The following CEP128 variants were observed in gnomAD, a reference collection of about 807,000 sequenced individuals.
CEP128 encodes the protein centrosomal protein 128.
A neutral mutation model predicts 156.7 loss-of-function variants in CEP128; 132 were observed. The ratio of observed to expected loss-of-function variants is 0.84; its 90% CI spans 0.73 to 0.97. CEP128 has a LOEUF of 0.97. Among genes scored for constraint, CEP128 ranks in the 50% least tolerant of loss-of-function variants. The pLI, the probability that CEP128 is intolerant of heterozygous loss-of-function variation, is 0.00. For missense variants in CEP128, 1,252 were observed against 1,281.9 expected (o/e 0.98, Z 0.36); for synonymous variants, 469 against 448.9 (o/e 1.04, Z -0.57).
Position 80,497,347 on chromosome 14 carries a change from C to T in CEP128, c.*132G>A. 1.6e-6 allele frequency: 1 copy of T among 612,766 alleles called. No individual in the cohort carries two copies. The highest frequency in any genetic ancestry group is 2.9e-6 in the Non-Finnish European group (1 of 348,632). The allele number at this position is 612,766 out of a possible 1,614,324, so 38.0% of individuals were successfully genotyped here. A position where few individuals can be genotyped will look rare whatever the true frequency, so the allele number is the denominator to read the frequency against. On this transcript the variant is annotated 3_prime_UTR_variant, in exon 25 of 25. Coordinates refer to ENST00000555265, the MANE Select transcript of CEP128 (RefSeq NM_152446.5). The stretch of plus-strand genomic sequence containing the variant: ...GGACCAACAGTATTGTCACTTTTGT[C>T]AATGTTTGGCAATACCAAAGAGCCA...
chr14:80,870,283 C>T (rs1288758850), intron 8 of CEP128, among the ~76,000 whole-genome samples: 1 of 151,900 alleles, frequency 6.6e-6, no homozygotes, highest in Admixed American at 6.6e-5. Context: ...AAAGACACTA[C>T]TAAAAAAGAT....
chr14:80,615,975 T>C (rs1893195088), intron 19 of CEP128, among the ~76,000 whole-genome samples: 1 of 152,214 alleles, frequency 6.6e-6, no homozygotes, highest in Non-Finnish European at 1.5e-5. Flanking sequence ...GTCTGTGGCC[T>C]GGGAGGCTAA....
At chr14:80,644,688 C>T (rs1198472553) in intron 19 of CEP128, among the ~76,000 whole-genome samples, 1 of 152,002 alleles carries the variant, frequency 6.6e-6, no homozygotes, top group Non-Finnish European at 1.5e-5. Context: ...ATTAATATAA[C>T]ATTTTTCTTT....
chr14:80,579,418 T>C (rs1020099730), intron 20 of CEP128, among the ~76,000 whole-genome samples: 1 of 152,156 alleles, frequency 6.6e-6, no homozygotes, highest in African/African-American at 2.4e-5. Flanking sequence ...CCACTTTTAC[T>C]GGATGTATAA....
At chr14:80,881,607 T>A (rs1595540721) in intron 8 of CEP128, among the ~76,000 whole-genome samples, 1 of 151,962 alleles carries the variant, frequency 6.6e-6, no homozygotes, top group Non-Finnish European at 1.5e-5. Flanking sequence ...CAAAACCAGA[T>A]AAAGACACAT....
chr14:80,773,140 T>A (rs978604679), intron 16 of CEP128, among the ~76,000 whole-genome samples: 1 of 152,164 alleles, frequency 6.6e-6, no homozygotes, highest in Non-Finnish European at 1.5e-5. Context: ...GCCTAGAATA[T>A]CCAAGAACAA....
chr14:80,617,823 A>G (rs1047581956), intron 19 of CEP128, among the ~76,000 whole-genome samples: 2 of 152,210 alleles, frequency 1.3e-5, no homozygotes, highest in African/African-American at 4.8e-5. Context: ...ATAAACAAAC[A>G]AACAAAAAGC....
At chr14:80,810,421 G>C (rs1222373047) in intron 13 of CEP128, among the ~76,000 whole-genome samples, 4 of 149,774 alleles carry the variant, frequency 2.7e-5, no homozygotes, top group Non-Finnish European at 4.4e-5. Context: ...TAATATACCT[G>C]AATGTAATTA....
At chr14:80,489,730 G>A (rs1209773626), downstream of CEP128, among the ~76,000 whole-genome samples, 4 of 150,216 alleles carry the variant, frequency 2.7e-5, no homozygotes, top group Non-Finnish European at 5.9e-5. Context: ...TCTCCTTAAA[G>A]CATCAGAGTA....
intron 14 of CEP128, among the ~76,000 whole-genome samples, chr14:80,789,698 G>A (rs1901602505): frequency 6.6e-6 from 1 of 151,992 alleles, no homozygotes; most frequent in Non-Finnish European, 1.5e-5. Context: ...CTGAAAGAAG[G>A]CCTGAAAAAA....
chr14:80,593,705 G>A (rs1178761604), intron 19 of CEP128, among the ~76,000 whole-genome samples: 1 of 152,100 alleles, frequency 6.6e-6, no homozygotes, highest in East Asian at 1.9e-4. Flanking sequence ...CAAATCATGA[G>A]AGAACTCTCA....
At chr14:80,487,012 T>A (rs9743473), downstream of CEP128, among the ~76,000 whole-genome samples, 72,386 of 151,860 alleles carry the variant, frequency 0.48, 18,463 homozygotes, top group East Asian at 0.69. Context: ...CAGGACCAAA[T>A]ACATACATAA....
intron 14 of CEP128, among the ~76,000 whole-genome samples, chr14:80,790,721 A>T (rs894734589): frequency 1.3e-5 from 2 of 152,144 alleles, no homozygotes; most frequent in African/African-American, 4.8e-5. Flanking sequence ...AATCAGAGAA[A>T]TTTTTAAGAG....
At chr14:80,596,546 T>C (rs1892327672) in intron 19 of CEP128, among the ~76,000 whole-genome samples, 1 of 152,148 alleles carries the variant, frequency 6.6e-6, no homozygotes, top group Non-Finnish European at 1.5e-5. Context: ...CAGTGGCTCA[T>C]GCCTGTGATC....
At chr14:80,746,806 T>C (rs1187181577) in intron 18 of CEP128, among the ~76,000 whole-genome samples, 1 of 152,216 alleles carries the variant, frequency 6.6e-6, no homozygotes, top group Non-Finnish European at 1.5e-5. Flanking sequence ...AGAGACAACC[T>C]GCTAAGTGGC....
At chr14:80,914,918 G>GAA (rs1294185364) in intron 3 of CEP128, among the ~76,000 whole-genome samples, 1 of 152,112 alleles carries the variant, frequency 6.6e-6, no homozygotes, top group Non-Finnish European at 1.5e-5. Context: ...TTTCACCTGG[G>GAA]AGATTAATCA....
At chr14:80,773,929 G>A (rs1193659395) in intron 16 of CEP128, among the ~76,000 whole-genome samples, 1 of 152,070 alleles carries the variant, frequency 6.6e-6, no homozygotes, top group Non-Finnish European at 1.5e-5. Flanking sequence ...TTTTTGCCCT[G>A]GTTAGAAGCT....
chr14:80,886,561 T>C (rs987591919), intron 8 of CEP128, among the ~76,000 whole-genome samples: 1 of 152,154 alleles, frequency 6.6e-6, no homozygotes, highest in South Asian at 2.1e-4. Context: ...ATAAAATCCT[T>C]TACAAACAAG....
At chr14:80,949,356 G>A (rs1048255030) in intron 2 of CEP128, among the ~76,000 whole-genome samples, 9 of 152,256 alleles carry the variant, frequency 5.9e-5, no homozygotes, top group South Asian at 2.1e-4. Context: ...GACAAACTAC[G>A]GGAGGTAGAG....
Sources: allele counts gnomAD v4.1 joint callset (sites outside exome capture counted in the v4.1 genomes callset), GRCh38; gene constraint gnomAD v4.1.1; transcripts MANE v1.5; gene names NCBI Gene and HGNC (gene_info 2026-07-23, HGNC 2026-07-21).